The following PCSK5 variants were observed in gnomAD, a reference collection of about 807,000 sequenced individuals.
PCSK5 encodes the protein proprotein convertase subtilisin/kexin type 5, also known as prohormone convertase 5.
Under a neutral mutation model 233.2 loss-of-function variants are expected in PCSK5, and 129 were observed. The observed-to-expected ratio is 0.55, with a 90% CI of 0.48 to 0.64. The LOEUF (loss-of-function observed/expected upper bound fraction) is 0.64, where lower values mean the gene tolerates loss of function less well. Among genes scored for constraint, PCSK5 ranks in the 30% least tolerant of loss-of-function variants. The pLI is 0.00. For synonymous variants in PCSK5, 825 were observed against 879.2 expected (o/e 0.94, Z 1.09); for missense variants, 2,076 against 2,430.1 (o/e 0.85, Z 3.06).
intron 9 of PCSK5, among the ~76,000 whole-genome samples, chr9:76,130,043 TA>T (rs1822695508): frequency 6.6e-6 from 1 of 152,116 alleles, no homozygotes; most frequent in Non-Finnish European, 1.5e-5. Context: ...GACAAGTTCA[TA>T]ACAATAATGG....
At chr9:75,921,231 G>A (rs1174203406) in intron 1 of PCSK5, among the ~76,000 whole-genome samples, 4 of 152,138 alleles carry the variant, frequency 2.6e-5, no homozygotes, top group South Asian at 2.1e-4. Flanking sequence ...CGATGCCCTG[G>A]CCTTATCTCA....
intron 5 of PCSK5, among the ~76,000 whole-genome samples, chr9:76,040,269 A>C (rs1479245777): frequency 2.0e-5 from 3 of 151,160 alleles, no homozygotes; most frequent in Non-Finnish European, 4.4e-5. Flanking sequence ...AATCAATTGC[A>C]CCTGCTATTA....
chr9:75,931,366 G>A (rs1823788462), intron 1 of PCSK5, among the ~76,000 whole-genome samples: 1 of 151,472 alleles, frequency 6.6e-6, no homozygotes, highest in Non-Finnish European at 1.5e-5. Flanking sequence ...TGGAGAAATA[G>A]CTACTATAGT....
At chr9:75,991,878 T>G (rs1482960907) in intron 3 of PCSK5, among the ~76,000 whole-genome samples, 2 of 152,052 alleles carry the variant, frequency 1.3e-5, no homozygotes, top group East Asian at 3.8e-4. Flanking sequence ...ATGTTTAGAA[T>G]GTTCAAGACA....
At chr9:76,308,803 T>C (rs1828780116) in intron 29 of PCSK5, 75 bp downstream of exon 29, 3 of 887,994 alleles carry the variant, frequency 3.4e-6, no homozygotes, top group Non-Finnish European at 5.6e-6. Context: ...GGCATCTTGG[T>C]GTAAGGAGGT....
intron 12 of PCSK5, among the ~76,000 whole-genome samples, chr9:76,168,915 T>A (rs1476918206): frequency 7.9e-5 from 12 of 152,224 alleles, no homozygotes; most frequent in Admixed American, 6.5e-4. Context: ...TCTTTACGTA[T>A]AATTTTGCCT....
At chr9:75,963,210 G>C (rs1302200301) in intron 2 of PCSK5, among the ~76,000 whole-genome samples, 2 of 152,180 alleles carry the variant, frequency 1.3e-5, no homozygotes, top group Non-Finnish European at 2.9e-5. Flanking sequence ...TCCAACAAGA[G>C]AGAGAGATGG....
In PCSK5 at chr9:75,932,376, C is replaced by T; in HGVS notation, c.193-3C>T. The stretch of plus-strand genomic sequence containing the variant: ...TTCTTTCCTTCCCACCCTTCCTTTG[C>T]AGATAGGGGCCCTGAAGGACTACTA... On this transcript the variant is annotated splice_region_variant and splice_polypyrimidine_tract_variant and intron_variant, in intron 1 of 37. Coordinates refer to ENST00000674117, the MANE Select transcript of PCSK5 (RefSeq NM_001372043.1). 1 of 1,571,476 alleles carries T rather than the reference C, an allele frequency of 6.4e-7. No individual in the cohort carries two copies. The highest frequency in any genetic ancestry group is 1.7e-5 in the Admixed American group (1 of 59,348).
chr9:76,199,392 C>T (rs1156727863), intron 20 of PCSK5, among the ~76,000 whole-genome samples: 2 of 152,096 alleles, frequency 1.3e-5, no homozygotes, highest in Non-Finnish European at 2.9e-5. Flanking sequence ...CTGTTATTGA[C>T]CAAAACGTCA....
intron 30 of PCSK5, among the ~76,000 whole-genome samples, chr9:76,316,037 T>A (rs997953125): frequency 2.6e-5 from 4 of 151,832 alleles, no homozygotes; most frequent in African/African-American, 9.7e-5. Flanking sequence ...GAAAAAGATT[T>A]ATTCGTGTTG....
At chr9:76,290,910 T>C (rs1367515432) in intron 24 of PCSK5, among the ~76,000 whole-genome samples, 1 of 152,188 alleles carries the variant, frequency 6.6e-6, no homozygotes, top group East Asian at 1.9e-4. Flanking sequence ...TTAACAACCA[T>C]CTTGTCCAAC....
At chr9:76,232,427 G>A (rs374438703) in intron 21 of PCSK5, among the ~76,000 whole-genome samples, 2 of 152,176 alleles carry the variant, frequency 1.3e-5, no homozygotes, top group East Asian at 3.9e-4. Context: ...GTATTACATA[G>A]GAATCATTTA....
intron 8 of PCSK5, among the ~76,000 whole-genome samples, chr9:76,106,597 A>G (rs1348534197): frequency 1.3e-5 from 2 of 152,220 alleles, no homozygotes; most frequent in Admixed American, 6.5e-5. Context: ...ACAAGCTTAC[A>G]CTTAGTGCTG....
At chr9:75,903,467 T>C (rs958930341) in intron 1 of PCSK5, among the ~76,000 whole-genome samples, 1 of 151,182 alleles carries the variant, frequency 6.6e-6, no homozygotes, top group African/African-American at 2.4e-5. Context: ...GATTTGAACC[T>C]AGTTAAAAGC....
At chr9:76,187,563 G>A (rs2131234337) in intron 17 of PCSK5, among the ~76,000 whole-genome samples, 1 of 152,098 alleles carries the variant, frequency 6.6e-6, no homozygotes, top group Non-Finnish European at 1.5e-5. Flanking sequence ...GCGTCTGACT[G>A]TGTTGCCCAG....
intron 5 of PCSK5, among the ~76,000 whole-genome samples, chr9:76,029,363 T>A (rs1397011449): frequency 6.6e-6 from 1 of 152,014 alleles, no homozygotes; most frequent in Admixed American, 6.6e-5. Context: ...TAGGATTTAG[T>A]TTAAATGGAA....
intron 4 of PCSK5, 85 bp downstream of exon 4, chr9:76,023,966 C>CATTTTTCAGTAGCTA: frequency 7.9e-7 from 1 of 1,269,920 alleles, no homozygotes; most frequent in Non-Finnish European, 1.1e-6. Flanking sequence ...TGGATAGCTA[C>CATTTTTCAGTAGCTA]TGAAAAATGT....
At chr9:76,155,987 T>C (rs1822558615) in intron 10 of PCSK5, among the ~76,000 whole-genome samples, 1 of 152,166 alleles carries the variant, frequency 6.6e-6, no homozygotes, top group Non-Finnish European at 1.5e-5. Flanking sequence ...GTTTTGCAAG[T>C]AGAATGGAAC....
At chr9:75,938,937 T>A (rs1214069776) in intron 2 of PCSK5, among the ~76,000 whole-genome samples, 3 of 152,140 alleles carry the variant, frequency 2.0e-5, no homozygotes, top group Non-Finnish European at 4.4e-5. Context: ...TTATTTTTGA[T>A]CATCACCTTC....
Sources: allele counts gnomAD v4.1 joint callset (sites outside exome capture counted in the v4.1 genomes callset), GRCh38; gene constraint gnomAD v4.1.1; transcripts MANE v1.5; gene names NCBI Gene and HGNC (gene_info 2026-07-23, HGNC 2026-07-21).